Variants in DYSF observed in about 807,000 individuals in gnomAD.
DYSF encodes dysferlin.
A neutral mutation model predicts 274.9 loss-of-function variants in DYSF; 212 were observed. That is an observed-to-expected ratio of 0.77 (90% confidence interval 0.69 to 0.86). The LOEUF (loss-of-function observed/expected upper bound fraction) is 0.86. DYSF is among the 40% of genes least tolerant of loss of function. The pLI is 0.00. For synonymous variants in DYSF, 1,091 were observed against 1,078.7 expected, an observed-to-expected ratio of 1.01 and a Z score of -0.22; for missense variants, 2,666 against 2,783.2, an observed-to-expected ratio of 0.96 and a Z score of 0.95.
chr2:71,667,392 A>G lies in DYSF; in HGVS notation c.5334A>G (p.Pro1778=), dbSNP rs2095034252. The G allele has an allele frequency of 6.2e-7, 1 of 1,613,948 alleles. No individual in the cohort carries two copies. The change falls in exon 48 of 56, where the codon CCA becomes CCG. Residue 1778 remains proline, a synonymous_variant. Coordinates refer to ENST00000410020, the MANE Select transcript of DYSF (RefSeq NM_001130987.2). ...CTGGGGCAGAGGCTGGCAGGATCCC[A>G]AACCCACACCTGGGCCCAGTGGAGG... The part of the protein sequence containing the change: ...SIEEIEAGRI[P]NPHLGPVEER...
intron 44 of DYSF, among the ~76,000 whole-genome samples, chr2:71,660,170 CTAGGCTGACA>C (rs1196530368): frequency 6.6e-6 from 1 of 152,224 alleles, no homozygotes; most frequent in Non-Finnish European, 1.5e-5. Flanking sequence ...CTGGGCTAGC[CTAGGCTGACA>C]TAGGCTGACC....
At chr2:71,660,192 C>T (rs2094852544) in intron 44 of DYSF, among the ~76,000 whole-genome samples, 1 of 152,240 alleles carries the variant, frequency 6.6e-6, no homozygotes, top group Non-Finnish European at 1.5e-5. Flanking sequence ...AGGCTGACCA[C>T]CCCTCTCTCA....
At chr2:71,505,732 A>G (rs982455341) in intron 4 of DYSF, among the ~76,000 whole-genome samples, 1 of 152,228 alleles carries the variant, frequency 6.6e-6, no homozygotes, top group African/African-American at 2.4e-5. Context: ...ATGGAGGAAA[A>G]GAAGCAGCAT....
rs139080832 is a variant in DYSF, at chr2:71,661,706, T to A, written c.5003+1055T>A. Among the ~76,000 whole-genome samples the A allele has an allele frequency of 3.4e-3, 513 of 152,272 alleles. 3 individuals carry two copies. Among genetic ancestry groups the A allele is most frequent in the African/African-American group, 0.012 (488 of 41,550 alleles). On this transcript the variant is annotated intron_variant, in intron 45 of 55. Transcript: ENST00000410020. ...ATGCAGAGGGAGGGTGGCAGCTATTTCTCTCGCACCTGCAGAAGACACCTA... is the reference window on the plus strand; with the variant it reads ...ATGCAGAGGGAGGGTGGCAGCTATTACTCTCGCACCTGCAGAAGACACCTA...
At chr2:71,503,150 G>A in intron 3 of DYSF, 64 bp from the exon 4 acceptor site, 3 of 1,440,584 alleles carry the variant, frequency 2.1e-6, no homozygotes, top group Non-Finnish European at 2.9e-6. Context: ...GCAGTGAGGG[G>A]TCTGGCAGAA....
intron 48 of DYSF, 67 bp downstream of exon 48, chr2:71,667,582 T>C: frequency 6.2e-7 from 1 of 1,603,114 alleles, no homozygotes; most frequent in East Asian, 2.3e-5. Flanking sequence ...AGGGACAACA[T>C]GGATATCCCA....
chr2:71,661,399 CT>C lies in DYSF; in HGVS notation c.5003+756del, dbSNP rs199957923. 1.4e-4 allele frequency among the ~76,000 whole-genome samples: 21 copies of C among 151,990 alleles called. No homozygotes were observed. In the South Asian group the frequency reaches 3.9e-3, roughly 29 times the overall value. ...GTGCATTACGTTTAACCAAACTAGA[CT>C]TTTTTTTAAAGGATTTCATGTTTTC... On this transcript the variant is annotated intron_variant, in intron 45 of 55. Coordinates refer to ENST00000410020, the MANE Select transcript of DYSF (RefSeq NM_001130987.2).
intron 21 of DYSF, among the ~76,000 whole-genome samples, chr2:71,554,239 TACTC>T (rs552757085): frequency 1.6e-3 from 239 of 152,366 alleles, no homozygotes; most frequent in African/African-American, 5.4e-3. Flanking sequence ...CTCGCTCGCT[TACTC>T]ACTCATTACA....
At chr2:71,488,237 T>C (rs531676911) in intron 3 of DYSF, among the ~76,000 whole-genome samples, 1 of 152,212 alleles carries the variant, frequency 6.6e-6, no homozygotes, top group Admixed American at 6.5e-5. Flanking sequence ...GAAAACAGTT[T>C]AATTGCTCTG....
In DYSF at chr2:71,539,227, G is replaced by C. The variant is rs1382041381; in HGVS notation, c.1564G>C (p.Gly522Arg). 1 of 1,613,926 alleles carries C rather than the reference G, an allele frequency of 6.2e-7. No homozygotes were observed. Among genetic ancestry groups the C allele is most frequent in the Non-Finnish European group, 8.5e-7 (1 of 1,179,960 alleles). The change falls in exon 17 of 56, where the codon GGA becomes CGA. Residue 522 changes from glycine to arginine, a missense_variant. This residue lies in a region of DYSF where 794 missense variants were observed against 777.1 expected (regional missense o/e 1.02). Coordinates refer to ENST00000410020, the MANE Select transcript of DYSF (RefSeq NM_001130987.2). ...LSMSKISAPG[G>R]EIEVDDYLGF... is the part of the protein sequence containing the mutation. The stretch of plus-strand genomic sequence containing the variant: ...TATGTCGAAAATCTCTGCCCCTGGA[G>C]GAGAAATAGAAGGTATGTTCCCTCT...
In DYSF at chr2:71,620,348, A is replaced by G. The variant is rs1291850521; in HGVS notation, c.4465-199A>G. Among the ~76,000 whole-genome samples, 3 of 152,346 alleles carry G rather than the reference A, an allele frequency of 2.0e-5. No homozygotes were observed. In the South Asian group the frequency reaches 6.2e-4, roughly 32 times the overall value. On this transcript the variant is annotated intron_variant, in intron 40 of 55. Transcript: ENST00000410020. ...CATTCTCCAGATAGGACGCTGACCC[A>G]GAGAGGTCAAGGGGCTTGCTCAAAG...
chr2:71,472,567 A>C (rs550295655), intron 1 of DYSF, among the ~76,000 whole-genome samples: 19 of 152,150 alleles, frequency 1.2e-4, no homozygotes, highest in East Asian at 3.9e-4. Context: ...CCACCACGCC[A>C]GGCTAATTTT....
intron 12 of DYSF, among the ~76,000 whole-genome samples, chr2:71,522,891 A>G (rs1274179026): frequency 6.6e-6 from 1 of 152,256 alleles, no homozygotes; most frequent in East Asian, 1.9e-4. Context: ...GCAGTTGGCC[A>G]GTCTTGTTGG....
At chr2:71,592,876 G>A (rs2093308855) in intron 32 of DYSF, among the ~76,000 whole-genome samples, 1 of 152,196 alleles carries the variant, frequency 6.6e-6, no homozygotes, top group Non-Finnish European at 1.5e-5. Flanking sequence ...GAGGAGATAG[G>A]CAGGGGTTGC....
At chr2:71,478,251 G>T (rs1224394538) in intron 1 of DYSF, among the ~76,000 whole-genome samples, 1 of 144,252 alleles carries the variant, frequency 6.9e-6, no homozygotes, top group African/African-American at 2.6e-5. Flanking sequence ...TCACTCTGTC[G>T]CCCAGGCTGG....
intron 1 of DYSF, among the ~76,000 whole-genome samples, chr2:71,470,691 AAAG>A (rs1189513229): frequency 6.7e-6 from 1 of 149,214 alleles, no homozygotes; most frequent in East Asian, 2.0e-4. Context: ...AAAAAAAAAA[AAAG>A]AAAAGAGCTT....
At chr2:71,479,701 A>T (rs1360469125) in intron 1 of DYSF, among the ~76,000 whole-genome samples, 3 of 152,152 alleles carry the variant, frequency 2.0e-5, no homozygotes, top group Non-Finnish European at 4.4e-5. Flanking sequence ...CCACTGCTCC[A>T]GAGGAAGGGC....
chr2:71,673,297 G>T (rs543651218), intron 51 of DYSF, among the ~76,000 whole-genome samples: 2 of 152,190 alleles, frequency 1.3e-5, no homozygotes, highest in Non-Finnish European at 2.9e-5. Context: ...CCCGGCCTCC[G>T]CATGTGCAGT....
intron 32 of DYSF, among the ~76,000 whole-genome samples, chr2:71,591,523 C>T (rs1276089815): frequency 3.9e-5 from 6 of 152,262 alleles, no homozygotes; most frequent in Non-Finnish European, 8.8e-5. Context: ...GTAACCCTTA[C>T]AATTGCCCTG....
Sources: allele counts gnomAD v4.1 joint callset (sites outside exome capture counted in the v4.1 genomes callset), GRCh38; gene constraint gnomAD v4.1.1; regional missense constraint gnomAD v4.1.1; transcripts MANE v1.5; gene names NCBI Gene and HGNC (gene_info 2026-07-23, HGNC 2026-07-21).